CNN1: variants seen among roughly 807,000 people sequenced by gnomAD.
CNN1 encodes calponin-1.
In CNN1, 21 loss-of-function variants were observed where a neutral mutation model predicts 35.3. The observed-to-expected ratio is 0.60, with a 90% confidence interval of 0.42 to 0.86. The LOEUF is 0.86. Among genes scored for constraint, CNN1 ranks in the 40% least tolerant of loss-of-function variants. The probability of loss-of-function intolerance (pLI) is 0.00; values close to 1 mark genes in which losing one functional copy is unlikely to be tolerated. For missense variants in CNN1, 314 were observed against 400.8 expected (o/e 0.78, Z 1.85); for synonymous variants, 164 against 161.8 (o/e 1.01, Z -0.10).
intron 2 of CNN1, among the ~76,000 whole-genome samples, chr19:11,544,147 T>G (rs1467135815): frequency 4.0e-5 from 6 of 151,648 alleles, no homozygotes; most frequent in Non-Finnish European, 7.4e-5. Context: ...TGGTCGTAAG[T>G]GTCCTGGGGA....
intron 1 of CNN1, chr19:11,539,564 A>G: frequency 9.7e-7 from 1 of 1,035,922 alleles, no homozygotes; most frequent in East Asian, 9.1e-5. Context: ...GTCCCAGGTA[A>G]AGCAGGTACA....
In CNN1 at chr19:11,549,909, GA is replaced by G; in HGVS notation, c.*116del. The G allele has an allele frequency of 7.0e-7, 1 of 1,434,590 alleles. No individual in the cohort carries two copies. The highest frequency in any genetic ancestry group is 9.4e-7 in the Non-Finnish European group (1 of 1,059,748). 88.9% of individuals were successfully genotyped at this position (1,434,590 alleles called of 1,614,324 possible). A position where few individuals can be genotyped will look rare whatever the true frequency, so the allele number is the denominator to read the frequency against. On this transcript the variant is annotated 3_prime_UTR_variant, in exon 7 of 7. Coordinates refer to ENST00000252456, the MANE Select transcript of CNN1 (RefSeq NM_001299.6). The surrounding 1 kb of genome is among the most constrained non-coding windows in gnomAD (Gnocchi z 5.2). ...TGCATGGCATCCTCCAGCCCCTGTA[GA>G]ACTCAACCTCTACAGGGTTAGAGTT...
At chr19:11,546,537 T>A (rs1362322656) in intron 2 of CNN1, 138 bp from the exon 3 acceptor site, 5 of 819,336 alleles carry the variant, frequency 6.1e-6, no homozygotes, top group Admixed American at 2.2e-5. Context: ...GGTTTCACCA[T>A]GTTGGCCAGG....
intron 1 of CNN1, chr19:11,540,465 G>A (rs1972436013): frequency 6.5e-6 from 1 of 152,914 alleles, no homozygotes; most frequent in Non-Finnish European, 1.5e-5. Context: ...ACAGCGCTGG[G>A]GAAGAGAGAG....
At position 11,549,943 on chromosome 19, in the gene CNN1, A is replaced by G; in HGVS notation, c.*148A>G. The G allele has an allele frequency of 8.1e-7, 1 of 1,238,110 alleles. No individual in the cohort carries two copies. Among genetic ancestry groups the G allele is most frequent in the African/African-American group, 1.5e-5 (1 of 65,806 alleles). The allele number at this position is 1,238,110 out of a possible 1,614,324, so 76.7% of individuals were successfully genotyped here. ...CTCTACAGGGTTAGAGTTTGGAGAG[A>G]GCAGACTGGCGGGGGGCCCATTGGG... On this transcript the variant is annotated 3_prime_UTR_variant, in exon 7 of 7. Coordinates refer to ENST00000252456, the MANE Select transcript of CNN1 (RefSeq NM_001299.6). The surrounding 1 kb of genome is among the most constrained non-coding windows in gnomAD (Gnocchi z 5.2).
chr19:11,539,995 C>T, intron 1 of CNN1: 2 of 1,053,146 alleles, frequency 1.9e-6, no homozygotes, highest in Non-Finnish European at 2.3e-6. Context: ...GGGCTGGTGG[C>T]GTGGGGGGCG....
At chr19:11,547,401 A>AAAAAAAC (rs1315197675) in intron 4 of CNN1, among the ~76,000 whole-genome samples, 3 of 151,120 alleles carry the variant, frequency 2.0e-5, no homozygotes, top group South Asian at 2.1e-4. Context: ...TCTCAAAAAA[A>AAAAAAAC]AAAAAACAAA....
At chr19:11,548,816 G>A (rs1200690718) in intron 5 of CNN1, among the ~76,000 whole-genome samples, 1 of 151,808 alleles carries the variant, frequency 6.6e-6, no homozygotes, top group African/African-American at 2.4e-5. Context: ...CAACCTGGGC[G>A]ACAGAGTGAG....
intron 2 of CNN1, among the ~76,000 whole-genome samples, chr19:11,545,900 A>G (rs920450345): frequency 6.6e-6 from 1 of 150,862 alleles, no homozygotes; most frequent in Admixed American, 6.6e-5. Flanking sequence ...TGGGAAGTTG[A>G]GGCTGCAGTG....
chr19:11,544,284 A>G (rs989959842), intron 2 of CNN1, among the ~76,000 whole-genome samples: 3 of 151,912 alleles, frequency 2.0e-5, no homozygotes, highest in African/African-American at 7.3e-5. Flanking sequence ...CCTTAGATGA[A>G]GTGAGGGAGG....
chr19:11,547,026 G>T (rs1050983892), intron 4 of CNN1, 57 bp downstream of exon 4: 5 of 1,608,854 alleles, frequency 3.1e-6, no homozygotes, highest in Non-Finnish European at 4.2e-6. Flanking sequence ...TGGGATGCAG[G>T]TGTGGCCACT....
Position 11,548,415 on chromosome 19 carries a change from G to A in CNN1, c.501+508G>A, listed in dbSNP as rs117996796. Among the ~76,000 whole-genome samples the A allele has an allele frequency of 3.8e-3, 581 of 152,292 alleles. 3 individuals carry two copies. Among genetic ancestry groups the A allele is most frequent in the Middle Eastern group, 6.8e-3 (2 of 294 alleles). On this transcript the variant is annotated intron_variant, in intron 5 of 6. Transcript: ENST00000252456. Reference sequence around the variant, plus strand: ...ATTTAAGAGTTTAGCCAAATGCAGTGGTGTCTGCCTGTGGTCCCAGCTACT... The same window carrying A: ...ATTTAAGAGTTTAGCCAAATGCAGTAGTGTCTGCCTGTGGTCCCAGCTACT...
intron 1 of CNN1, chr19:11,539,237 G>C: frequency 7.9e-7 from 1 of 1,261,008 alleles, no homozygotes. Flanking sequence ...CCATTGCAAA[G>C]ATACCCACCT....
At chr19:11,546,639 G>A (rs1972591181) in intron 2 of CNN1, 36 bp from the exon 3 acceptor site, 2 of 1,613,044 alleles carry the variant, frequency 1.2e-6, no homozygotes, top group African/African-American at 2.7e-5. Context: ...CAACCCTGGG[G>A]GGACACCTTT....
In CNN1 at chr19:11,549,486, G is replaced by A. The variant is rs761306866; in HGVS notation, c.648+17G>A. The A allele has an allele frequency of 2.4e-5, 39 of 1,612,322 alleles. No individual in the cohort carries two copies. Among genetic ancestry groups the A allele is most frequent in the South Asian group, 5.5e-5 (5 of 90,990 alleles). On this transcript the variant is annotated intron_variant, in intron 6 of 6. Transcript: ENST00000252456. This position sits in a 1 kb window ranked among gnomAD's most constrained non-coding sequence, Gnocchi z 5.2. Reference sequence around the variant, plus strand: ...GCCAGCCAGGTGAGTGGGGGCCCCCGGGACACGCCGTCAAGGCCCAGGACC... The same window carrying A: ...GCCAGCCAGGTGAGTGGGGGCCCCCAGGACACGCCGTCAAGGCCCAGGACC...
At position 11,550,033 on chromosome 19, in the gene CNN1, C is replaced by T. The variant is rs1422149683; in HGVS notation, c.*238C>T. Reference sequence around the variant, plus strand: ...ACATAGAGCCGGGTGTCCCCAACAGCGCCCAAAGGACGCACTGAGCAACGC... The same window carrying T: ...ACATAGAGCCGGGTGTCCCCAACAGTGCCCAAAGGACGCACTGAGCAACGC... On this transcript the variant is annotated 3_prime_UTR_variant, in exon 7 of 7. Coordinates refer to ENST00000252456, the MANE Select transcript of CNN1 (RefSeq NM_001299.6). 21 of 513,732 alleles carry T rather than the reference C, an allele frequency of 4.1e-5. No homozygotes were observed. Among genetic ancestry groups the T allele is most frequent in the Admixed American group, 7.6e-5 (2 of 26,488 alleles). The allele number at this position is 513,732 out of a possible 1,614,324, so 31.8% of individuals were successfully genotyped here.
At chr19:11,540,958 T>G in intron 1 of CNN1, 118 bp from the exon 2 acceptor site, 1 of 1,161,608 alleles carries the variant, frequency 8.6e-7, no homozygotes, top group Non-Finnish European at 1.2e-6. Context: ...ATTGCCTTAG[T>G]TGGGAAGGAC....
In CNN1 at chr19:11,541,218, C is replaced by T. The variant is rs149435724; in HGVS notation, c.185+21C>T. The T allele has an allele frequency of 6.9e-3, 10,548 of 1,533,544 alleles. 57 individuals are homozygous for T. Among genetic ancestry groups the T allele is most frequent in the Middle Eastern group, 8.6e-3 (49 of 5,710 alleles). 95.0% of individuals were successfully genotyped at this position (1,533,544 alleles called of 1,614,324 possible). A position where few individuals can be genotyped will look rare whatever the true frequency, so the allele number is the denominator to read the frequency against. ...TGCGAGTGAGTGAGGCTCTCGAAGC[C>T]GAGACCCTGCAACATCCCCCAACTC... On this transcript the variant is annotated intron_variant, in intron 2 of 6. Transcript: ENST00000252456.
chr19:11,548,002 A>G (rs1972630487), intron 5 of CNN1, 95 bp downstream of exon 5: 2 of 907,744 alleles, frequency 2.2e-6, no homozygotes, highest in Non-Finnish European at 1.7e-6. Context: ...GGCATTAACT[A>G]TACTATAGGC....
Sources: gnomAD v4.1 joint callset for allele counts (sites outside exome capture counted in the v4.1 genomes callset) on GRCh38, gnomAD v4.1.1 for gene constraint, Gnocchi (gnomAD v3.1) non-coding constraint, MANE v1.5 for transcripts, NCBI Gene and HGNC (gene_info 2026-07-23, HGNC 2026-07-21) for gene names.